ARHGAP21: variants seen among roughly 807,000 people sequenced by gnomAD.
The protein encoded by ARHGAP21 is Rho GTPase activating protein 21.
A neutral mutation model predicts 164.6 loss-of-function variants in ARHGAP21; 38 were observed. The observed-to-expected ratio is 0.23, with a 90% CI of 0.18 to 0.30. The LOEUF (loss-of-function observed/expected upper bound fraction) is 0.30. Among genes scored for constraint, ARHGAP21 ranks in the 10% least tolerant of loss-of-function variants. The pLI is 1.00. For synonymous variants in ARHGAP21, 766 were observed against 857.9 expected (o/e 0.89, Z 1.87); for missense variants, 1,822 against 2,370.7 (o/e 0.77, Z 4.81).
Position 24,704,193 on chromosome 10 carries a change from G to C in ARHGAP21, c.63+17644C>G, listed in dbSNP as rs140649508. Among the ~76,000 whole-genome samples the C allele has an allele frequency of 1.9e-4, 29 of 151,838 alleles. No individual in the cohort carries two copies. The East Asian group carries it at 5.6e-3, about 29-fold the overall frequency. On this transcript the variant is annotated intron_variant, in intron 2 of 25. Transcript: ENST00000396432. Reference sequence around the variant, plus strand: ...GCCTGGCTCCCAAAGTACTGATTTTGTGACCTCCACCAAATACTTTAAGTG... The same window carrying C: ...GCCTGGCTCCCAAAGTACTGATTTTCTGACCTCCACCAAATACTTTAAGTG...
At chr10:24,652,116 C>G (rs1838235922) in intron 4 of ARHGAP21, among the ~76,000 whole-genome samples, 1 of 152,100 alleles carries the variant, frequency 6.6e-6, no homozygotes, top group African/African-American at 2.4e-5. Context: ...TATAAAAATA[C>G]AGATCTATTC....
intron 4 of ARHGAP21, among the ~76,000 whole-genome samples, chr10:24,660,735 C>T (rs893287440): frequency 3.9e-5 from 6 of 152,208 alleles, no homozygotes; most frequent in Admixed American, 6.5e-5. Flanking sequence ...ATTCCCAATA[C>T]AACATCATAC....
chr10:24,712,991 A>C (rs1471442733), intron 2 of ARHGAP21, among the ~76,000 whole-genome samples: 5 of 151,894 alleles, frequency 3.3e-5, no homozygotes, highest in African/African-American at 7.3e-5. Context: ...AAAAAAAAAA[A>C]CGGCGCTGAT....
In ARHGAP21 at chr10:24,621,223, G is replaced by T; in HGVS notation, c.672C>A (p.Asp224Glu). 2 of 1,613,954 alleles carry T rather than the reference G, an allele frequency of 1.2e-6. No individual in the cohort carries two copies. Among genetic ancestry groups the T allele is most frequent in the Non-Finnish European group, 1.7e-6 (2 of 1,179,878 alleles). ...TGGTTTGCTGTTTGCTCAATGATGA[G>T]TCAGGAGGAGATATTTCAACTGGCT... is the stretch of plus-strand genomic sequence containing the variant. ...MAQPVEISPP[D>E]SSLSKQQTST... Residue 224 changes from aspartate (D) to glutamate (E), a missense_variant, in exon 9 of 26, where the codon GAC becomes GAA. Coordinates refer to ENST00000396432, the MANE Select transcript of ARHGAP21 (RefSeq NM_020824.4).
Position 24,630,051 on chromosome 10 carries a change from C to A in ARHGAP21, c.441-1G>T. On this transcript the variant is annotated splice_acceptor_variant, in intron 6 of 25. Coordinates refer to ENST00000396432, the MANE Select transcript of ARHGAP21 (RefSeq NM_020824.4). LOFTEE classifies it high-confidence loss of function. ...AACACTAAGTTCCAATGTTGTATCACTGAAATTGAATTATATACTATTTTA... is the reference window on the plus strand; with the variant it reads ...AACACTAAGTTCCAATGTTGTATCAATGAAATTGAATTATATACTATTTTA... 1 of 1,523,696 alleles carries A rather than the reference C, an allele frequency of 6.6e-7. No homozygotes were observed. The highest frequency in any genetic ancestry group is 1.3e-5 in the South Asian group (1 of 79,550). The allele number at this position is 1,523,696 out of a possible 1,614,324, so 94.4% of individuals were successfully genotyped here. A position where few individuals can be genotyped will look rare whatever the true frequency, so the allele number is the denominator to read the frequency against.
chr10:24,605,272 T>C (rs2130955938), intron 11 of ARHGAP21, among the ~76,000 whole-genome samples: 1 of 152,218 alleles, frequency 6.6e-6, no homozygotes, highest in African/African-American at 2.4e-5. Flanking sequence ...AACCAACCCA[T>C]CCCTTGTTTG....
Position 24,595,980 on chromosome 10 carries a change from C to A in ARHGAP21, c.3541G>T (p.Gly1181Cys). ...LVEERGLEYT[G>C]IYRVPGNNAA... is the part of the protein sequence containing the mutation. Reference sequence around the variant, plus strand: ...TTATTTCCAGGAACTCTATAAATACCTGTATATTCAAGACCTCTTTCTTCA... The same window carrying A: ...TTATTTCCAGGAACTCTATAAATACATGTATATTCAAGACCTCTTTCTTCA... Residue 1181 changes from glycine (G) to cysteine (C), a missense_variant, in exon 18 of 26, where the codon GGT becomes TGT. Gly to Cys is a radical substitution (Grantham distance 159). Coordinates refer to ENST00000396432, the MANE Select transcript of ARHGAP21 (RefSeq NM_020824.4). The A allele has an allele frequency of 6.2e-7, 1 of 1,612,614 alleles. No homozygotes were observed. Among genetic ancestry groups the A allele is most frequent in the Non-Finnish European group, 8.5e-7 (1 of 1,179,114 alleles).
At chr10:24,616,569 A>G (rs1164890136) in intron 9 of ARHGAP21, among the ~76,000 whole-genome samples, 1 of 152,230 alleles carries the variant, frequency 6.6e-6, no homozygotes, top group East Asian at 1.9e-4. Context: ...CCCTCAACTG[A>G]GCACACACGC....
At chr10:24,674,363 G>C (rs762296692) in intron 2 of ARHGAP21, among the ~76,000 whole-genome samples, 1 of 152,116 alleles carries the variant, frequency 6.6e-6, no homozygotes, top group Non-Finnish European at 1.5e-5. Flanking sequence ...GTGAAACCCC[G>C]TCTCTACTAA....
At chr10:24,691,225 T>A (rs1842741958) in intron 2 of ARHGAP21, among the ~76,000 whole-genome samples, 1 of 152,188 alleles carries the variant, frequency 6.6e-6, no homozygotes, top group African/African-American at 2.4e-5. Context: ...GTATGTACCC[T>A]AACTTTAGGC....
chr10:24,651,112 C>T (rs1171445882), intron 4 of ARHGAP21, among the ~76,000 whole-genome samples: 1 of 152,294 alleles, frequency 6.6e-6, no homozygotes, highest in South Asian at 2.1e-4. Context: ...GTGGGCTGTT[C>T]CTCTGCACAC....
chr10:24,635,825 G>A (rs1256792822), intron 4 of ARHGAP21, among the ~76,000 whole-genome samples: 6 of 152,234 alleles, frequency 3.9e-5, no homozygotes, highest in African/African-American at 9.6e-5. Flanking sequence ...GATTACAGGC[G>A]TGAGCCACCG....
chr10:24,691,172 A>C (rs187239215), intron 2 of ARHGAP21, among the ~76,000 whole-genome samples: 37 of 152,202 alleles, frequency 2.4e-4, no homozygotes, highest in Non-Finnish European at 4.3e-4. Flanking sequence ...CTTTCAGGGT[A>C]AGAGGATCAA....
intron 4 of ARHGAP21, among the ~76,000 whole-genome samples, chr10:24,647,084 A>G (rs1368510164): frequency 1.3e-5 from 2 of 152,338 alleles, no homozygotes; most frequent in Non-Finnish European, 2.9e-5. Context: ...TAAGTGTTTT[A>G]GAACCCTTGA....
Position 24,700,521 on chromosome 10 carries a change from C to T in ARHGAP21, c.63+21316G>A, listed in dbSNP as rs932391283. On this transcript the variant is annotated intron_variant, in intron 2 of 25. Transcript: ENST00000396432. Reference sequence around the variant, plus strand: ...AAATAATAAGAATTAAAGATGGTTTCGATTTTTCCATTTATGTTAACAATG... The same window carrying T: ...AAATAATAAGAATTAAAGATGGTTTTGATTTTTCCATTTATGTTAACAATG... Among the ~76,000 whole-genome samples the T allele has an allele frequency of 3.9e-5, 6 of 152,036 alleles. No individual in the cohort carries two copies. The East Asian group carries it at 5.8e-4, about 15-fold the overall frequency.
chr10:24,619,393 T>C, intron 9 of ARHGAP21, 80 bp downstream of exon 9: 1 of 1,363,904 alleles, frequency 7.3e-7, no homozygotes, highest in Non-Finnish European at 1.0e-6. Flanking sequence ...CTTCTATGCC[T>C]ATTGAACTAG....
chr10:24,590,331 T>C (rs1015592098), intron 24 of ARHGAP21: 2 of 1,535,170 alleles, frequency 1.3e-6, no homozygotes, highest in African/African-American at 1.4e-5. Flanking sequence ...TCAACTATGT[T>C]TGCATTTACA....
chr10:24,636,356 T>C (rs1044586615), intron 4 of ARHGAP21, among the ~76,000 whole-genome samples: 1 of 152,176 alleles, frequency 6.6e-6, no homozygotes, highest in Admixed American at 6.5e-5. Context: ...ATGTTAGGAA[T>C]GCAAATTTGT....
intron 4 of ARHGAP21, among the ~76,000 whole-genome samples, chr10:24,655,501 C>T (rs1384150396): frequency 6.6e-6 from 1 of 152,250 alleles, no homozygotes; most frequent in African/African-American, 2.4e-5. Flanking sequence ...ATTTATGCAG[C>T]CAACAGACAC....
Sources: allele counts gnomAD v4.1 joint callset (sites outside exome capture counted in the v4.1 genomes callset), GRCh38; gene constraint gnomAD v4.1.1; transcripts MANE v1.5; gene names NCBI Gene and HGNC (gene_info 2026-07-23, HGNC 2026-07-21).